The following TLK2 variants were observed in gnomAD, a reference collection of about 807,000 sequenced individuals.
TLK2 encodes the protein tousled like kinase 2.
A neutral mutation model predicts 117.3 loss-of-function variants in TLK2; 6 were observed. The observed-to-expected ratio is 0.05, with a 90% confidence interval of 0.03 to 0.10. TLK2 has a LOEUF of 0.10. Among genes scored for constraint, TLK2 ranks in the 10% least tolerant of loss-of-function variants. TLK2 has a pLI of 1.00. For missense variants in TLK2, 299 were observed against 901.2 expected (o/e 0.33, Z 8.56); for synonymous variants, 257 against 316.7 (o/e 0.81, Z 2.00).
intron 1 of TLK2, among the ~76,000 whole-genome samples, chr17:62,479,759 T>C (rs2071394938): frequency 6.6e-6 from 1 of 152,066 alleles, no homozygotes; most frequent in African/African-American, 2.4e-5. Context: ...TTCCTTAACA[T>C]GAGTTGACAT....
chr17:62,557,467 A>G (rs775748935), intron 9 of TLK2, among the ~76,000 whole-genome samples: 9 of 151,912 alleles, frequency 5.9e-5, no homozygotes, highest in Non-Finnish European at 8.8e-5. Context: ...GTTTTTATTT[A>G]CTATTGTTAT....
At chr17:62,497,697 G>A (rs995572771) in intron 2 of TLK2, among the ~76,000 whole-genome samples, 1 of 152,090 alleles carries the variant, frequency 6.6e-6, no homozygotes, top group Non-Finnish European at 1.5e-5. Context: ...CATTTGTATT[G>A]TATTGTATTC....
intron 1 of TLK2, among the ~76,000 whole-genome samples, chr17:62,480,761 C>T (rs907354266): frequency 6.6e-6 from 1 of 152,156 alleles, no homozygotes; most frequent in African/African-American, 2.4e-5. Context: ...TAGATTAAGG[C>T]TGATAGAAGG....
intron 7 of TLK2, among the ~76,000 whole-genome samples, chr17:62,546,344 G>GTTTTTTTTTTTTTTGT (rs1555628573): frequency 8.6e-5 from 2 of 23,346 alleles, no homozygotes; most frequent in African/African-American, 2.0e-4. Context: ...TTTGTTGATT[G>GTTTTTTTTTTTTTTGT]TTTTTTTTTT....
intron 7 of TLK2, among the ~76,000 whole-genome samples, chr17:62,540,080 CTTCTTCT>C (rs1274205986): frequency 1.4e-5 from 2 of 144,876 alleles, no homozygotes; most frequent in Admixed American, 6.9e-5. Context: ...TTTCTTCTTT[CTTCTTCT>C]TTCTTTCTTT....
chr17:62,499,555 A>G (rs750294906), intron 2 of TLK2, among the ~76,000 whole-genome samples: 34 of 151,948 alleles, frequency 2.2e-4, no homozygotes, highest in Non-Finnish European at 4.9e-4. Context: ...TTTGTTGTAT[A>G]GTATTATTTG....
At position 62,606,386 on chromosome 17, in the gene TLK2, C is replaced by A. The variant is rs572985828; in HGVS notation, c.1971+145C>A. ...TGAAAGGAGTGGTTTAAAGAAAATA[C>A]AGACTTAATAATACAAGCCTTATTC... On this transcript the variant is annotated intron_variant, in intron 20 of 21. Coordinates refer to ENST00000346027, the MANE Select transcript of TLK2 (RefSeq NM_006852.6). 1.9e-5 allele frequency: 9 copies of A among 461,780 alleles called. No individual in the cohort carries two copies. The South Asian group carries it at 5.9e-4, about 30-fold the overall frequency. The allele number at this position is 461,780 out of a possible 1,614,324, so 28.6% of individuals were successfully genotyped here.
At position 62,520,768 on chromosome 17, in the gene TLK2, T is replaced by C. The variant is rs775081448; in HGVS notation, c.82-5T>C. On this transcript the variant is annotated splice_polypyrimidine_tract_variant and splice_region_variant and intron_variant, in intron 2 of 21. Transcript: ENST00000346027. ...TTATTTATTTATGATTTTTTTTTCT[T>C]TCAGGGACCACTTAATAGTGAGTCT... 3.1e-6 allele frequency: 5 copies of C among 1,612,404 alleles called. No homozygotes were observed. The highest frequency in any genetic ancestry group is 2.2e-5 in the South Asian group (2 of 90,654).
At chr17:62,506,459 A>C (rs1236965132) in intron 2 of TLK2, among the ~76,000 whole-genome samples, 1 of 152,218 alleles carries the variant, frequency 6.6e-6, no homozygotes, top group Non-Finnish European at 1.5e-5. Context: ...ATCTTACACC[A>C]GTTCCAGTAG....
chr17:62,530,466 C>G (rs1436019035), intron 6 of TLK2, among the ~76,000 whole-genome samples: 1 of 152,034 alleles, frequency 6.6e-6, no homozygotes, highest in African/African-American at 2.4e-5. Context: ...GACCCTGTCT[C>G]AAAACCCCCA....
intron 21 of TLK2, among the ~76,000 whole-genome samples, chr17:62,609,785 A>T (rs1403212525): frequency 2.0e-5 from 3 of 152,180 alleles, no homozygotes; most frequent in African/African-American, 7.2e-5. Context: ...GCTTTTCCTT[A>T]TCCATAAAAA....
chr17:62,565,343 G>T (rs2079671136), intron 11 of TLK2, among the ~76,000 whole-genome samples: 1 of 152,130 alleles, frequency 6.6e-6, no homozygotes, highest in East Asian at 1.9e-4. Flanking sequence ...TACAAAATGA[G>T]TTCCAGAAAA....
intron 17 of TLK2, among the ~76,000 whole-genome samples, chr17:62,600,096 A>C (rs985444885): frequency 1.3e-5 from 2 of 152,222 alleles, no homozygotes; most frequent in Non-Finnish European, 2.9e-5. Flanking sequence ...CGTAGTATGC[A>C]GTCAGTTTTT....
chr17:62,502,028 A>ATTTTTTTTTTTTTTT (rs746988825), intron 2 of TLK2, among the ~76,000 whole-genome samples: 1 of 134,246 alleles, frequency 7.4e-6, no homozygotes, highest in Non-Finnish European at 1.6e-5. Context: ...AAAAAATACC[A>ATTTTTTTTTTTTTTT]ATTTTTTTTT....
At chr17:62,523,647 A>G (rs554352112) in intron 5 of TLK2, among the ~76,000 whole-genome samples, 1 of 152,266 alleles carries the variant, frequency 6.6e-6, no homozygotes, top group Admixed American at 6.5e-5. Context: ...CCCCATCTTC[A>G]TCAGTTAATG....
chr17:62,580,754 T>TA (rs2081155657), intron 15 of TLK2, among the ~76,000 whole-genome samples: 1 of 152,188 alleles, frequency 6.6e-6, no homozygotes, highest in African/African-American at 2.4e-5. Context: ...TAAATATAGC[T>TA]ACAGATCCAT....
chr17:62,605,178 T>A (rs2083188537), intron 19 of TLK2, among the ~76,000 whole-genome samples: 1 of 151,692 alleles, frequency 6.6e-6, no homozygotes, highest in Non-Finnish European at 1.5e-5. Context: ...ATACAAAAAA[T>A]TAGCCCAGCG....
In TLK2 at chr17:62,608,153, GT is replaced by G; in HGVS notation, c.2079+9del. On this transcript the variant is annotated splice_donor_region_variant and intron_variant, in intron 21 of 21. Transcript: ENST00000346027. ...GTAGTAACACCTGAAGCAAAGGTAA[GT>G]TTTGTTTGACCCATTGGCCAACAGA... 1 of 1,610,346 alleles carries G rather than the reference GT, an allele frequency of 6.2e-7. No individual in the cohort carries two copies. Among genetic ancestry groups the G allele is most frequent in the Non-Finnish European group, 8.5e-7 (1 of 1,178,940 alleles).
At chr17:62,493,160 TTC>T (rs1210719298) in intron 2 of TLK2, among the ~76,000 whole-genome samples, 4 of 152,170 alleles carry the variant, frequency 2.6e-5, no homozygotes, top group African/African-American at 9.7e-5. Flanking sequence ...GCAACTATCA[TTC>T]TGTTTTTCCA....
Sources: allele counts gnomAD v4.1 joint callset (sites outside exome capture counted in the v4.1 genomes callset), GRCh38; gene constraint gnomAD v4.1.1; transcripts MANE v1.5; gene names NCBI Gene and HGNC (gene_info 2026-07-23, HGNC 2026-07-21).